Variants in ZMYM4 observed in about 807,000 individuals in gnomAD.
ZMYM4 encodes zinc finger MYM-type protein 4.
ZMYM4 carries 31 observed loss-of-function variants against 183.2 expected under a neutral mutation model. The ratio of observed to expected loss-of-function variants is 0.17; its 90% CI spans 0.13 to 0.23. The LOEUF (loss-of-function observed/expected upper bound fraction) is 0.23. Among genes scored for constraint, ZMYM4 ranks in the 10% least tolerant of loss-of-function variants. The probability of loss-of-function intolerance (pLI) is 1.00; values close to 1 mark genes in which losing one functional copy is unlikely to be tolerated. For missense variants in ZMYM4, 1,273 were observed against 1,840.3 expected (o/e 0.69, Z 5.64); for synonymous variants, 592 against 631.2 (o/e 0.94, Z 0.93).
intron 1 of ZMYM4, among the ~76,000 whole-genome samples, chr1:35,288,870 G>T (rs115383998): frequency 2.6e-5 from 4 of 152,218 alleles, no homozygotes; most frequent in Admixed American, 6.5e-5. Context: ...GGGAATATCA[G>T]TTCACTTTAG....
Position 35,396,607 on chromosome 1 carries a change from T to C in ZMYM4, c.2967T>C (p.Phe989=), listed in dbSNP as rs1162203762. ...IIVVPVPVPV[F]VPIPLHLYTQ... is the part of the protein sequence containing the mutation. ...TGGTGCCAGTTCCCGTACCAGTGTT[T>C]GTTCCCATACCTCTTCACCTTTATA... Residue 989 remains phenylalanine, a synonymous_variant, in exon 19 of 30, where the codon TTT becomes TTC. Coordinates refer to ENST00000314607, the MANE Select transcript of ZMYM4 (RefSeq NM_005095.3). 1 of 1,613,948 alleles carries C rather than the reference T, an allele frequency of 6.2e-7. No homozygotes were observed. Among genetic ancestry groups the C allele is most frequent in the South Asian group, 1.1e-5 (1 of 91,068 alleles).
At chr1:35,309,902 G>A (rs1641713728) in intron 1 of ZMYM4, among the ~76,000 whole-genome samples, 2 of 151,256 alleles carry the variant, frequency 1.3e-5, no homozygotes, top group Admixed American at 1.3e-4. Context: ...GTATTTTGTG[G>A]GGTTTTTTTG....
At chr1:35,289,757 T>C (rs901162463) in intron 1 of ZMYM4, among the ~76,000 whole-genome samples, 2 of 152,088 alleles carry the variant, frequency 1.3e-5, no homozygotes, top group African/African-American at 4.8e-5. Context: ...TAACTAAAAA[T>C]ATCTCCAGAC....
At chr1:35,305,096 G>A (rs1366785315) in intron 1 of ZMYM4, among the ~76,000 whole-genome samples, 1 of 152,152 alleles carries the variant, frequency 6.6e-6, no homozygotes, top group Non-Finnish European at 1.5e-5. Context: ...CATCCGCCTT[G>A]GCCTCCCAAA....
chr1:35,347,556 A>T (rs918242608), intron 2 of ZMYM4, among the ~76,000 whole-genome samples: 3 of 152,152 alleles, frequency 2.0e-5, no homozygotes, highest in Admixed American at 1.3e-4. Context: ...AGCGTTAAAA[A>T]TTAGGTTTAG....
intron 1 of ZMYM4, among the ~76,000 whole-genome samples, chr1:35,310,110 T>A (rs1449569954): frequency 6.6e-6 from 1 of 151,986 alleles, no homozygotes; most frequent in Non-Finnish European, 1.5e-5. Flanking sequence ...TTGTATATTT[T>A]TTTTTAGTAG....
intron 1 of ZMYM4, among the ~76,000 whole-genome samples, chr1:35,274,478 C>T (rs144439966): frequency 8.6e-4 from 131 of 152,018 alleles, no homozygotes; most frequent in African/African-American, 3.0e-3. Flanking sequence ...TTAGTAGCCT[C>T]GTCTACTCAT....
At chr1:35,331,214 T>C (rs1642732417) in intron 2 of ZMYM4, among the ~76,000 whole-genome samples, 1 of 152,154 alleles carries the variant, frequency 6.6e-6, no homozygotes, top group African/African-American at 2.4e-5. Flanking sequence ...TATGAAAATG[T>C]TGAAATCAAA....
intron 2 of ZMYM4, among the ~76,000 whole-genome samples, chr1:35,355,761 A>G (rs1300335536): frequency 2.6e-5 from 4 of 152,010 alleles, no homozygotes; most frequent in South Asian, 2.1e-4. Context: ...TAATTCTTCC[A>G]TAGTTTCTTT....
intron 2 of ZMYM4, among the ~76,000 whole-genome samples, chr1:35,337,834 G>C (rs756130659): frequency 6.6e-6 from 1 of 152,184 alleles, no homozygotes; most frequent in Non-Finnish European, 1.5e-5. Context: ...AGCTACTTGG[G>C]AGGCTGAGGC....
chr1:35,406,833 T>TC, intron 25 of ZMYM4, among the ~76,000 whole-genome samples: 1 of 152,186 alleles, frequency 6.6e-6, no homozygotes, highest in Middle Eastern at 3.4e-3. Context: ...CTAGAAAGGG[T>TC]GTTTTAATCT....
At chr1:35,401,343 C>T (rs1644904806) in intron 23 of ZMYM4, among the ~76,000 whole-genome samples, 1 of 152,110 alleles carries the variant, frequency 6.6e-6, no homozygotes, top group African/African-American at 2.4e-5. Context: ...TATAGTGGTA[C>T]CTCATTATGG....
chr1:35,309,337 G>A (rs1355939062), intron 1 of ZMYM4, among the ~76,000 whole-genome samples: 1 of 152,086 alleles, frequency 6.6e-6, no homozygotes, highest in Non-Finnish European at 1.5e-5. Flanking sequence ...CTTTATGATT[G>A]CATTATGTAT....
At chr1:35,349,671 T>G (rs1643525117) in intron 2 of ZMYM4, among the ~76,000 whole-genome samples, 1 of 148,348 alleles carries the variant, frequency 6.7e-6, no homozygotes, top group East Asian at 2.0e-4. Context: ...CTACTAAAAA[T>G]ACAAAAAAAC....
intron 2 of ZMYM4, among the ~76,000 whole-genome samples, chr1:35,334,004 G>T (rs561086462): frequency 6.6e-6 from 1 of 151,360 alleles, no homozygotes; most frequent in Non-Finnish European, 1.5e-5. Context: ...TATATATGTG[G>T]TTAGATTCCA....
chr1:35,404,966 A>G, intron 23 of ZMYM4, 57 bp from the exon 24 acceptor site: 3 of 1,511,140 alleles, frequency 2.0e-6, no homozygotes, highest in Non-Finnish European at 2.7e-6. Flanking sequence ...GAGAACCCTG[A>G]CTCTTAAAAA....
Position 35,343,291 on chromosome 1 carries a change from A to G in ZMYM4, c.86-15634A>G, listed in dbSNP as rs147953284. Among the ~76,000 whole-genome samples, 11 of 152,310 alleles carry G rather than the reference A, an allele frequency of 7.2e-5. No individual in the cohort carries two copies. The East Asian group carries it at 1.9e-3, about 27-fold the overall frequency. Reference sequence around the variant, plus strand: ...GAAAATTTGTACTTGCTTTTTTTCTAGAAACCTTATAGTTTAGGCTTAGCT... The same window carrying G: ...GAAAATTTGTACTTGCTTTTTTTCTGGAAACCTTATAGTTTAGGCTTAGCT... On this transcript the variant is annotated intron_variant, in intron 2 of 29. Transcript: ENST00000314607.
chr1:35,269,465 G>A (rs997819827), intron 1 of ZMYM4, among the ~76,000 whole-genome samples: 1 of 151,066 alleles, frequency 6.6e-6, no homozygotes, highest in African/African-American at 2.4e-5. Flanking sequence ...GGTGGTGGCG[G>A]GAATAAGTCG....
At chr1:35,379,397 C>A (rs1644402343) in intron 7 of ZMYM4, among the ~76,000 whole-genome samples, 1 of 152,202 alleles carries the variant, frequency 6.6e-6, no homozygotes, top group South Asian at 2.1e-4. Context: ...CTGCTCCCTG[C>A]CTAAGTTTTG....
Sources: gnomAD v4.1 joint callset for allele counts (sites outside exome capture counted in the v4.1 genomes callset) on GRCh38, gnomAD v4.1.1 for gene constraint, MANE v1.5 for transcripts, NCBI Gene and HGNC (gene_info 2026-07-23, HGNC 2026-07-21) for gene names.